The following CHD9 variants were observed in gnomAD, a reference collection of about 807,000 sequenced individuals.
CHD9 encodes the protein chromodomain helicase DNA binding protein 9, also known as ATP-dependent chromatin remodeler CHD9.
A neutral mutation model predicts 316.1 loss-of-function variants in CHD9; 77 were observed. The ratio of observed to expected loss-of-function variants is 0.24; its 90% CI spans 0.20 to 0.29. The LOEUF is 0.29. CHD9 is among the 10% of genes least tolerant of loss of function. The probability of loss-of-function intolerance (pLI) is 1.00; values close to 1 mark genes in which losing one functional copy is unlikely to be tolerated. For missense variants in CHD9, 2,763 were observed against 3,438.1 expected (o/e 0.80, Z 4.91); for synonymous variants, 1,129 against 1,158.3 (o/e 0.97, Z 0.51).
rs1234804164 is a variant in CHD9 at position 53,324,823 on chromosome 16, A to G, written c.8622A>G (p.Lys2874=). 2 of 1,612,604 alleles carry G rather than the reference A, an allele frequency of 1.2e-6. No homozygotes were observed. The highest frequency in any genetic ancestry group is 1.7e-6 in the Non-Finnish European group (2 of 1,179,308). Residue 2874 remains lysine (K), a synonymous_variant, in exon 39 of 39, where the codon AAA becomes AAG. Coordinates refer to ENST00000447540, the MANE Select transcript of CHD9 (RefSeq NM_001308319.2). ...ACAGCACAGATGAGGGTTCAGAGAA[A>G]GCTGATGCTTCATCTGGATCTGATA... The part of the protein sequence containing the change: ...NENSTDEGSE[K]ADASSGSDST...
chr16:53,078,500 G>A (rs1003109306), intron 1 of CHD9, among the ~76,000 whole-genome samples: 6 of 152,316 alleles, frequency 3.9e-5, no homozygotes, highest in East Asian at 1.9e-4. Context: ...CCAGAGCTAT[G>A]AGCCAAATAC....
intron 1 of CHD9, among the ~76,000 whole-genome samples, chr16:53,087,683 C>T (rs1476974035): frequency 1.3e-5 from 2 of 152,212 alleles, no homozygotes; most frequent in Non-Finnish European, 2.9e-5. Context: ...CACAGTGGCT[C>T]ATGCCTGTAA....
At chr16:53,257,302 T>C (rs1308621519) in intron 19 of CHD9, among the ~76,000 whole-genome samples, 4 of 152,170 alleles carry the variant, frequency 2.6e-5, no homozygotes, top group Admixed American at 6.6e-5. Context: ...TTATGTGCCA[T>C]TTTGAGGAAT....
At chr16:53,063,342 C>T (rs1339396935) in intron 1 of CHD9, among the ~76,000 whole-genome samples, 1 of 145,914 alleles carries the variant, frequency 6.9e-6, no homozygotes, top group African/African-American at 2.6e-5. Context: ...CAGAATTATG[C>T]TGCTTCTCAT....
At chr16:53,228,273 G>A (rs2047828898) in intron 7 of CHD9, among the ~76,000 whole-genome samples, 1 of 151,932 alleles carries the variant, frequency 6.6e-6, no homozygotes, top group African/African-American at 2.4e-5. Context: ...CTATTCTGGA[G>A]GTTGATACAG....
chr16:53,127,940 C>CAAAAAAA (rs35806274), intron 1 of CHD9, among the ~76,000 whole-genome samples: 1 of 78,214 alleles, frequency 1.3e-5, no homozygotes, highest in Non-Finnish European at 2.3e-5. Flanking sequence ...GAGACTCTGT[C>CAAAAAAA]AAAAAAAAAA....
intron 27 of CHD9, among the ~76,000 whole-genome samples, 195 bp from the exon 28 acceptor site, chr16:53,291,529 CA>C (rs528088169): frequency 2.0e-5 from 3 of 152,102 alleles, no homozygotes; most frequent in Non-Finnish European, 2.9e-5. Flanking sequence ...GTCTAATTGT[CA>C]AAAGCAATAG....
intron 7 of CHD9, 146 bp from the exon 8 acceptor site, chr16:53,228,837 A>G (rs2047909511): frequency 2.0e-6 from 1 of 490,668 alleles, no homozygotes; most frequent in Non-Finnish European, 3.7e-6. Flanking sequence ...TATTTTAGAA[A>G]TGATCGTAAT....
chr16:53,107,230 C>T (rs957204713), intron 1 of CHD9, among the ~76,000 whole-genome samples: 1 of 151,450 alleles, frequency 6.6e-6, no homozygotes, highest in East Asian at 2.0e-4. Flanking sequence ...GAGGCCAAGG[C>T]GGGTGGATCG....
intron 1 of CHD9, among the ~76,000 whole-genome samples, chr16:53,100,877 A>C (rs140489875): frequency 1.7e-3 from 259 of 152,362 alleles, no homozygotes; most frequent in African/African-American, 5.8e-3. Flanking sequence ...CCATCCTACT[A>C]CTACATCAGA....
intron 1 of CHD9, among the ~76,000 whole-genome samples, chr16:53,083,537 T>C (rs139654785): frequency 2.5e-3 from 383 of 152,308 alleles, no homozygotes; most frequent in South Asian, 6.8e-3. Flanking sequence ...TTATCTTTAT[T>C]ATGGACAATT....
At chr16:53,096,295 T>C (rs16951991) in intron 1 of CHD9, among the ~76,000 whole-genome samples, 18,089 of 152,072 alleles carry the variant, frequency 0.12, 1,467 homozygotes, top group East Asian at 0.43. Context: ...CACTGTCTTA[T>C]TCAACTTTGG....
chr16:53,215,665 A>G (rs2046698243), intron 3 of CHD9, among the ~76,000 whole-genome samples: 1 of 152,144 alleles, frequency 6.6e-6, no homozygotes, highest in South Asian at 2.1e-4. Context: ...AATTGGATGT[A>G]TTAATTACAA....
At chr16:53,083,956 C>G (rs1347680060) in intron 1 of CHD9, among the ~76,000 whole-genome samples, 1 of 151,922 alleles carries the variant, frequency 6.6e-6, no homozygotes, top group East Asian at 1.9e-4. Context: ...ACTTTGTTGC[C>G]CAGCCTGGGG....
chr16:53,128,783 T>C (rs958531073), intron 1 of CHD9, among the ~76,000 whole-genome samples: 6 of 152,198 alleles, frequency 3.9e-5, no homozygotes, highest in Admixed American at 6.5e-5. Context: ...CACCATTCAC[T>C]GACCAGTGAA....
rs78619508 is a variant in CHD9 at position 53,132,404 on chromosome 16, A to G, written c.-164-23522A>G. Among the ~76,000 whole-genome samples, 295 of 152,234 alleles carry G rather than the reference A, an allele frequency of 1.9e-3. 3 individuals carry two copies. In the East Asian group the frequency reaches 0.039, roughly 20 times the overall value. On this transcript the variant is annotated intron_variant, in intron 1 of 38. Coordinates refer to ENST00000447540, the MANE Select transcript of CHD9 (RefSeq NM_001308319.2). Reference sequence around the variant, plus strand: ...TCCAGTTCTTAAAATCTCCAGTTCTACTTAACCAGCTATGATCTTAAACGA... The same window carrying G: ...TCCAGTTCTTAAAATCTCCAGTTCTGCTTAACCAGCTATGATCTTAAACGA...
chr16:53,245,579 ATCATTTTT>A lies in CHD9; in HGVS notation c.3199-14_3199-7del. ...GCTCACTTATGTTATATGTCTTTTT[ATCATTTTT>A]TATTCAGGTACAGAAACTTCAGGCT... On this transcript the variant is annotated splice_region_variant and splice_polypyrimidine_tract_variant and intron_variant, in intron 14 of 38. Coordinates refer to ENST00000447540, the MANE Select transcript of CHD9 (RefSeq NM_001308319.2). The surrounding 1 kb of genome is among the most constrained non-coding windows in gnomAD (Gnocchi z 4.1). 5 of 1,540,818 alleles carry A rather than the reference ATCATTTTT, an allele frequency of 3.2e-6. No homozygotes were observed. The highest frequency in any genetic ancestry group is 4.4e-6 in the Non-Finnish European group (5 of 1,148,494).
At chr16:53,305,069 A>G (rs1181981129) in intron 31 of CHD9, among the ~76,000 whole-genome samples, 3 of 148,302 alleles carry the variant, frequency 2.0e-5, no homozygotes, top group Non-Finnish European at 3.0e-5. Context: ...GTTTGCTTAC[A>G]GTGTTTTTTT....
At chr16:53,311,689 C>CT (rs2056488103) in intron 34 of CHD9, 1 of 152,178 alleles carries the variant, frequency 6.6e-6, no homozygotes, top group South Asian at 2.1e-4. Context: ...GAGGACAAAA[C>CT]TGAAGAGCTC....
Sources: gnomAD v4.1 joint callset for allele counts (sites outside exome capture counted in the v4.1 genomes callset) on GRCh38, gnomAD v4.1.1 for gene constraint, Gnocchi (gnomAD v3.1) non-coding constraint, MANE v1.5 for transcripts, NCBI Gene and HGNC (gene_info 2026-07-23, HGNC 2026-07-21) for gene names.